Variants in SLIT3 observed in about 807,000 individuals in gnomAD.
SLIT3 encodes the protein slit guidance ligand 3.
Under a neutral mutation model 184.0 loss-of-function variants are expected in SLIT3, and 68 were observed. The observed-to-expected ratio is 0.37, with a 90% confidence interval of 0.30 to 0.45. SLIT3 has a LOEUF of 0.45. Ranked by LOEUF, SLIT3 falls within the 20% of genes least tolerant of loss-of-function variation. SLIT3 has a pLI of 1.00. For synonymous variants in SLIT3, 831 were observed against 828.6 expected, an observed-to-expected ratio of 1.00 and a Z score of -0.05; for missense variants, 1,707 against 2,026.0, an observed-to-expected ratio of 0.84 and a Z score of 3.02.
At chr5:168,809,724 A>G (rs1757103429) in intron 8 of SLIT3, among the ~76,000 whole-genome samples, 1 of 152,204 alleles carries the variant, frequency 6.6e-6, no homozygotes, top group Admixed American at 6.5e-5. Context: ...ACGGACCCAT[A>G]AGCATACCTT....
chr5:169,279,746 T>G (rs985101398), intron 1 of SLIT3, among the ~76,000 whole-genome samples: 30 of 152,154 alleles, frequency 2.0e-4, no homozygotes, highest in African/African-American at 6.0e-4. Flanking sequence ...ATTCTTGAAT[T>G]GGATTGCATG....
At chr5:169,040,866 G>T (rs111412615) in intron 4 of SLIT3, among the ~76,000 whole-genome samples, 4 of 152,182 alleles carry the variant, frequency 2.6e-5, no homozygotes, top group African/African-American at 7.2e-5. Context: ...ATAAACAGCG[G>T]CAATCTTTCT....
rs376426944 is a variant in SLIT3 at position 169,022,377 on chromosome 5, C to T, written c.414-139041G>A. On this transcript the variant is annotated intron_variant, in intron 4 of 35. Coordinates refer to ENST00000519560, the MANE Select transcript of SLIT3 (RefSeq NM_003062.4). ...CTACCTCCTCCCTTAGGCTGGGCAC[C>T]GCTATACTCTCTGAAACTTGGACAC... 5.7e-4 allele frequency: 87 copies of T among 152,294 alleles called. 1 individual carries two copies. Among genetic ancestry groups the T allele is most frequent in the African/African-American group, 2.0e-3 (83 of 41,552 alleles). 9.4% of individuals were successfully genotyped at this position (152,294 alleles called of 1,614,324 possible). A position where few individuals can be genotyped will look rare whatever the true frequency, so the allele number is the denominator to read the frequency against.
intron 4 of SLIT3, among the ~76,000 whole-genome samples, chr5:168,900,415 G>C (rs1192448670): frequency 6.6e-6 from 1 of 152,188 alleles, no homozygotes; most frequent in African/African-American, 2.4e-5. Flanking sequence ...AGGAATTTGA[G>C]ACCAGTCAGG....
chr5:168,795,476 T>C (rs768352611), intron 10 of SLIT3, 31 bp downstream of exon 10: 46 of 1,550,554 alleles, frequency 3.0e-5, no homozygotes, highest in Non-Finnish European at 3.9e-5. Flanking sequence ...TTGAAAACAT[T>C]TGGGCCCATT....
At chr5:169,147,249 C>G (rs997402323) in intron 4 of SLIT3, among the ~76,000 whole-genome samples, 1 of 152,182 alleles carries the variant, frequency 6.6e-6, no homozygotes, top group Non-Finnish European at 1.5e-5. Flanking sequence ...TTGACAAACA[C>G]ATAAATCCAT....
chr5:169,078,333 T>G (rs1758826524), intron 4 of SLIT3, among the ~76,000 whole-genome samples: 1 of 152,160 alleles, frequency 6.6e-6, no homozygotes, highest in Non-Finnish European at 1.5e-5. Context: ...TTCATGTCGT[T>G]TTGTACCTAA....
At chr5:168,683,560 C>T (rs1225232010) in intron 32 of SLIT3, among the ~76,000 whole-genome samples, 4 of 152,080 alleles carry the variant, frequency 2.6e-5, no homozygotes, top group Admixed American at 2.6e-4. Flanking sequence ...TCCCTCCGTG[C>T]CCTTGAGTTT....
At chr5:168,919,764 GCTT>G (rs1447899864) in intron 4 of SLIT3, among the ~76,000 whole-genome samples, 1 of 151,934 alleles carries the variant, frequency 6.6e-6, no homozygotes, top group East Asian at 1.9e-4. Context: ...ACTCCAAAAG[GCTT>G]TACTTTTTCG....
In SLIT3 at chr5:169,140,772, T is replaced by C. The variant is rs147670076; in HGVS notation, c.413+52707A>G. On this transcript the variant is annotated intron_variant, in intron 4 of 35. Transcript: ENST00000519560. ...CCATGATCACGCCGTCGCATTCCAA[T>C]GTGGGTCACAGAGTGAGAGACCCTC... is the stretch of plus-strand genomic sequence containing the variant. 9.5e-4 allele frequency among the ~76,000 whole-genome samples: 144 copies of C among 152,296 alleles called. 5 individuals are homozygous for C. Among genetic ancestry groups the C allele is most frequent in the African/African-American group, 3.4e-3 (140 of 41,564 alleles).
chr5:169,244,896 A>C, intron 2 of SLIT3, 120 bp from the exon 3 acceptor site: 1 of 838,502 alleles, frequency 1.2e-6, no homozygotes, highest in Non-Finnish European at 2.0e-6. Context: ...GTGTCCCTTC[A>C]ACTGGGATCA....
rs35305517 is a variant in SLIT3 at position 168,685,922 on chromosome 5, G to C, written c.3320C>G (p.Pro1107Arg). 0.022 allele frequency: 35,203 copies of C among 1,608,098 alleles called. 478 individuals carry two copies. The highest frequency in any genetic ancestry group is 0.026 in the Non-Finnish European group (31,077 of 1,177,020). Residue 1107 changes from proline to arginine, a missense_variant, in exon 31 of 36, where the codon CCC (proline) becomes CGC (arginine). Physicochemically the swap from Pro to Arg is moderately radical, Grantham distance 103. Coordinates refer to ENST00000519560, the MANE Select transcript of SLIT3 (RefSeq NM_003062.4). Reference sequence around the variant, plus strand: ...CATGGGTGGGGGGTGTTCACAGAAGGGTCCACTGGAAGGCAGGAGAGAATG... The same window carrying C: ...CATGGGTGGGGGGTGTTCACAGAAGCGTCCACTGGAAGGCAGGAGAGAATG... ...TCTCPQGFSG[P>R]FCEHPPPMVL...
rs1417294037 is a variant in SLIT3, at chr5:168,954,351, T to C, written c.414-71015A>G. ...TGGTTAGCTATTATAATCATTAATA[T>C]ATAATTATATATATAATGAATAGCA... On this transcript the variant is annotated intron_variant, in intron 4 of 35. Coordinates refer to ENST00000519560, the MANE Select transcript of SLIT3 (RefSeq NM_003062.4). Among the ~76,000 whole-genome samples, 4 of 151,984 alleles carry C rather than the reference T, an allele frequency of 2.6e-5. No homozygotes were observed. The East Asian group carries it at 5.8e-4, about 22-fold the overall frequency.
chr5:168,808,443 GGA>G (rs1294470235), intron 8 of SLIT3, among the ~76,000 whole-genome samples: 2 of 152,110 alleles, frequency 1.3e-5, no homozygotes, highest in Admixed American at 1.3e-4. Context: ...TGTAAAATGG[GGA>G]AAATAACAAT....
rs1759628698 is a variant in SLIT3, at chr5:169,092,440, C to T, written c.413+101039G>A. Among the ~76,000 whole-genome samples, 2 of 152,214 alleles carry T rather than the reference C, an allele frequency of 1.3e-5. 1 individual carries two copies. The highest frequency in any genetic ancestry group is 4.8e-5 in the African/African-American group (2 of 41,524). On this transcript the variant is annotated intron_variant, in intron 4 of 35. Transcript: ENST00000519560. ...TATTCCATTCCATTGTATTCCATCCCATTCCATTTTTATTTCTTGCTACCG... is the reference window on the plus strand; with the variant it reads ...TATTCCATTCCATTGTATTCCATCCTATTCCATTTTTATTTCTTGCTACCG...
intron 4 of SLIT3, among the ~76,000 whole-genome samples, chr5:169,185,495 A>G (rs1312358354): frequency 6.6e-6 from 1 of 152,200 alleles, no homozygotes; most frequent in Admixed American, 6.5e-5. Context: ...TTGTGCTATT[A>G]TCATTTCACC....
At chr5:169,117,136 G>A (rs1760698582) in intron 4 of SLIT3, among the ~76,000 whole-genome samples, 1 of 152,182 alleles carries the variant, frequency 6.6e-6, no homozygotes, top group Non-Finnish European at 1.5e-5. Context: ...TTAATCACAA[G>A]TAGCGTGGAA....
At chr5:169,122,000 G>A (rs914750321) in intron 4 of SLIT3, among the ~76,000 whole-genome samples, 6 of 152,196 alleles carry the variant, frequency 3.9e-5, no homozygotes, top group African/African-American at 1.4e-4. Context: ...TTACCAAATG[G>A]TAGCTCCTTT....
chr5:169,223,384 A>G (rs2113535412), intron 3 of SLIT3, among the ~76,000 whole-genome samples: 1 of 152,312 alleles, frequency 6.6e-6, no homozygotes, highest in Non-Finnish European at 1.5e-5. Flanking sequence ...CTAACACCTA[A>G]TCTCACCAAG....
Sources: gnomAD v4.1 joint callset for allele counts (sites outside exome capture counted in the v4.1 genomes callset) on GRCh38, gnomAD v4.1.1 for gene constraint, MANE v1.5 for transcripts, NCBI Gene and HGNC (gene_info 2026-07-23, HGNC 2026-07-21) for gene names.